JMY: variants seen among roughly 807,000 people sequenced by gnomAD.
JMY encodes the protein junction-mediating and -regulatory protein.
Under a neutral mutation model 103.3 loss-of-function variants are expected in JMY, and 46 were observed. The observed-to-expected ratio is 0.45, with a 90% CI of 0.35 to 0.57. The LOEUF (loss-of-function observed/expected upper bound fraction) is 0.57. Ranked by LOEUF, JMY falls within the 20% of genes least tolerant of loss-of-function variation. The probability of loss-of-function intolerance (pLI) is 0.00; values close to 1 mark genes in which losing one functional copy is unlikely to be tolerated. For missense variants in JMY, 1,238 were observed against 1,255.2 expected, an observed-to-expected ratio of 0.99 and a Z score of 0.21; for synonymous variants, 526 against 489.3, an observed-to-expected ratio of 1.07 and a Z score of -0.99.
At chr5:79,282,911 T>C (rs571393941) in intron 2 of JMY, among the ~76,000 whole-genome samples, 1 of 151,850 alleles carries the variant, frequency 6.6e-6, no homozygotes, top group East Asian at 1.9e-4. Context: ...GTTGGAATGT[T>C]ATTATATTCT....
intron 1 of JMY, among the ~76,000 whole-genome samples, chr5:79,257,460 A>G (rs1175120559): frequency 6.6e-6 from 1 of 152,094 alleles, no homozygotes; most frequent in Non-Finnish European, 1.5e-5. Context: ...AAAATTTGCC[A>G]GGCATGGTGA....
At chr5:79,274,824 G>A (rs143181473) in intron 1 of JMY, among the ~76,000 whole-genome samples, 1 of 152,182 alleles carries the variant, frequency 6.6e-6, no homozygotes, top group African/African-American at 2.4e-5. Context: ...ATTCTGTTAT[G>A]TTCCCTCAGA....
chr5:79,289,086 T>G (rs1746348590), intron 2 of JMY, among the ~76,000 whole-genome samples: 1 of 151,806 alleles, frequency 6.6e-6, no homozygotes. Context: ...AATACAAAAA[T>G]TAGCCGAGTG....
chr5:79,304,216 G>A (rs568322716), intron 6 of JMY, among the ~76,000 whole-genome samples: 11 of 152,286 alleles, frequency 7.2e-5, no homozygotes, highest in Non-Finnish European at 1.5e-4. Context: ...CAGAGGGAAG[G>A]AGTAGTGAAA....
intron 2 of JMY, among the ~76,000 whole-genome samples, chr5:79,289,010 G>A (rs915542796): frequency 3.3e-5 from 5 of 151,814 alleles, no homozygotes; most frequent in Middle Eastern, 3.4e-3. Context: ...TGTGGCGGTC[G>A]GATCATTTGA....
At chr5:79,308,771 C>G (rs1295662904) in intron 7 of JMY, among the ~76,000 whole-genome samples, 1 of 152,048 alleles carries the variant, frequency 6.6e-6, no homozygotes, top group Non-Finnish European at 1.5e-5. Context: ...CTACCGCCTT[C>G]TCCTACACCT....
intron 1 of JMY, among the ~76,000 whole-genome samples, chr5:79,274,602 C>A (rs1014000932): frequency 1.3e-5 from 2 of 152,034 alleles, no homozygotes; most frequent in Non-Finnish European, 2.9e-5. Flanking sequence ...GAAACTGTTT[C>A]ACCATGTTGC....
At chr5:79,244,906 C>T (rs1277957686) in intron 1 of JMY, among the ~76,000 whole-genome samples, 1 of 150,094 alleles carries the variant, frequency 6.7e-6, no homozygotes, top group Non-Finnish European at 1.5e-5. Context: ...CTTGATAATA[C>T]CAAGTAGCCT....
intron 1 of JMY, among the ~76,000 whole-genome samples, chr5:79,262,424 A>C (rs538180605): frequency 6.6e-6 from 1 of 152,350 alleles, no homozygotes; most frequent in African/African-American, 2.4e-5. Flanking sequence ...TTAGTTAGCA[A>C]AATCAAAAAT....
chr5:79,306,772 T>G (rs1385817979), intron 7 of JMY, among the ~76,000 whole-genome samples: 2 of 152,144 alleles, frequency 1.3e-5, no homozygotes, highest in East Asian at 3.8e-4. Flanking sequence ...ACATCACCAT[T>G]CCCCAAAATC....
chr5:79,315,906 G>A (rs551924519), intron 9 of JMY, 94 bp from the exon 10 acceptor site: 510 of 1,031,832 alleles, frequency 4.9e-4, no homozygotes, highest in Non-Finnish European at 6.9e-4. Flanking sequence ...TCAGCGTCCT[G>A]TGCTTTCACA....
At chr5:79,243,327 T>A (rs1172482780) in intron 1 of JMY, among the ~76,000 whole-genome samples, 1 of 152,182 alleles carries the variant, frequency 6.6e-6, no homozygotes, top group African/African-American at 2.4e-5. Context: ...ACTATATACA[T>A]TAGAGAAATG....
chr5:79,278,864 A>C (rs966648913), intron 2 of JMY, among the ~76,000 whole-genome samples: 2 of 151,262 alleles, frequency 1.3e-5, no homozygotes, highest in Non-Finnish European at 2.9e-5. Context: ...CCTGGGCTCA[A>C]GCGATTTGCC....
intron 1 of JMY, among the ~76,000 whole-genome samples, chr5:79,241,421 T>G (rs1247882413): frequency 2.6e-5 from 4 of 152,248 alleles, no homozygotes; most frequent in Non-Finnish European, 5.9e-5. Flanking sequence ...AAAATTTTTA[T>G]AAATTGATAA....
intron 1 of JMY, among the ~76,000 whole-genome samples, chr5:79,266,105 A>T (rs577187835): frequency 4.6e-5 from 7 of 152,248 alleles, no homozygotes; most frequent in East Asian, 1.9e-4. Flanking sequence ...TTTCATCACA[A>T]GCAAAATCCC....
intron 1 of JMY, among the ~76,000 whole-genome samples, chr5:79,270,504 T>C (rs1364238602): frequency 1.1e-5 from 1 of 90,360 alleles, no homozygotes; most frequent in African/African-American, 3.8e-5. Context: ...AAATATATAT[T>C]TACATAAATA....
intron 2 of JMY, among the ~76,000 whole-genome samples, chr5:79,280,428 G>C (rs1412441509): frequency 6.6e-6 from 1 of 152,118 alleles, no homozygotes; most frequent in African/African-American, 2.4e-5. Context: ...ATTTTTCCTG[G>C]GAAGTAGAAT....
intron 1 of JMY, among the ~76,000 whole-genome samples, chr5:79,246,486 C>T (rs994325598): frequency 6.6e-6 from 1 of 152,182 alleles, no homozygotes; most frequent in African/African-American, 2.4e-5. Context: ...GACCTGACTT[C>T]TCCTTGTTAA....
In JMY at chr5:79,236,635, A is replaced by G; in HGVS notation, c.-16A>G. 7.3e-7 allele frequency: 1 copy of G among 1,375,362 alleles called. No homozygotes were observed. The highest frequency in any genetic ancestry group is 9.5e-7 in the Non-Finnish European group (1 of 1,048,726). 85.2% of individuals were successfully genotyped at this position (1,375,362 alleles called of 1,614,324 possible). ...GGGCCGGCGGCCCTTCCCCGCGGCG[A>G]GAAGCCGGAGCCACCATGTCGTTCG... On this transcript the variant is annotated 5_prime_UTR_variant, in exon 1 of 11. Transcript: ENST00000396137.
Sources: gnomAD v4.1 joint callset for allele counts (sites outside exome capture counted in the v4.1 genomes callset) on GRCh38, gnomAD v4.1.1 for gene constraint, MANE v1.5 for transcripts, NCBI Gene and HGNC (gene_info 2026-07-23, HGNC 2026-07-21) for gene names.